NOL4L: variants seen among roughly 807,000 people sequenced by gnomAD.
The protein encoded by NOL4L is nucleolar protein 4-like.
NOL4L carries 7 observed loss-of-function variants against 64.5 expected under a neutral mutation model. The observed-to-expected ratio is 0.11, with a 90% CI of 0.06 to 0.20. The LOEUF is 0.20. Ranked by LOEUF, NOL4L falls within the 10% of genes least tolerant of loss-of-function variation. The pLI, the probability that NOL4L is intolerant of heterozygous loss-of-function variation, is 1.00. For synonymous variants in NOL4L, 413 were observed against 401.0 expected (o/e 1.03, Z -0.36); for missense variants, 680 against 967.1 (o/e 0.70, Z 3.94).
chr20:32,472,133 T>C (rs1407927255), intron 5 of NOL4L, among the ~76,000 whole-genome samples: 1 of 152,204 alleles, frequency 6.6e-6, no homozygotes, highest in South Asian at 2.1e-4. Context: ...ACAACCCAAC[T>C]TATCCCCCAT....
At position 32,447,560 on chromosome 20, in the gene NOL4L, C is replaced by A; in HGVS notation, c.*36G>T. Reference sequence around the variant, plus strand: ...GCCAGGTCCAGGCTGGGACAGCCTCCTTCCCTAGGGCAGTGCGCTCCAGGT... The same window carrying A: ...GCCAGGTCCAGGCTGGGACAGCCTCATTCCCTAGGGCAGTGCGCTCCAGGT... On this transcript the variant is annotated 3_prime_UTR_variant, in exon 11 of 11. Transcript: ENST00000621426. The A allele has an allele frequency of 1.9e-6, 3 of 1,551,926 alleles. No homozygotes were observed. In the South Asian group the frequency reaches 3.6e-5, roughly 19 times the overall value.
At chr20:32,520,550 G>A (rs187141388) in intron 3 of NOL4L, among the ~76,000 whole-genome samples, 73 of 152,314 alleles carry the variant, frequency 4.8e-4, no homozygotes, top group South Asian at 1.2e-3. Context: ...GGGGCTGGCC[G>A]GGGCCTTGCA....
intron 4 of NOL4L, among the ~76,000 whole-genome samples, chr20:32,496,998 C>T (rs1207807918): frequency 2.1e-5 from 3 of 142,324 alleles, no homozygotes; most frequent in African/African-American, 5.4e-5. Flanking sequence ...CCAGTCACCC[C>T]GAGCAAAACA....
At chr20:32,530,920 T>C (rs1234792409) in intron 1 of NOL4L, among the ~76,000 whole-genome samples, 1 of 150,692 alleles carries the variant, frequency 6.6e-6, no homozygotes. Context: ...AAACTCCATC[T>C]CAAAAAAAAA....
In NOL4L at chr20:32,567,744, A is replaced by G. The variant is rs560379791; in HGVS notation, c.321+16826T>C. On this transcript the variant is annotated intron_variant, in intron 1 of 10. Coordinates refer to ENST00000621426, the MANE Select transcript of NOL4L (RefSeq NM_001256798.2). The stretch of plus-strand genomic sequence containing the variant: ...TGCTGCAGGAGCCCAATGTGCAAAC[A>G]CACACAGAGCACTTAGAACAGACTG... Among the ~76,000 whole-genome samples the G allele has an allele frequency of 2.0e-5, 3 of 152,308 alleles. No individual in the cohort carries two copies. The South Asian group carries it at 6.2e-4, about 32-fold the overall frequency.
At chr20:32,522,475 GCA>G (rs924861220) in intron 2 of NOL4L, among the ~76,000 whole-genome samples, 7 of 152,328 alleles carry the variant, frequency 4.6e-5, no homozygotes, top group African/African-American at 9.6e-5. Context: ...TTTCTGCCAT[GCA>G]CACAGAGAGC....
At position 32,528,387 on chromosome 20, in the gene NOL4L, G is replaced by A. The variant is rs570361630; in HGVS notation, c.322-474C>T. Among the ~76,000 whole-genome samples the A allele has an allele frequency of 3.9e-5, 6 of 152,320 alleles. No homozygotes were observed. In the East Asian group the frequency reaches 5.8e-4, roughly 15 times the overall value. Reference sequence around the variant, plus strand: ...GATCACCTGGGTGACTCCTGCCTCCGCCCTGGCCTTTCTGAAAAGCTTTTC... The same window carrying A: ...GATCACCTGGGTGACTCCTGCCTCCACCCTGGCCTTTCTGAAAAGCTTTTC... On this transcript the variant is annotated intron_variant, in intron 1 of 10. Coordinates refer to ENST00000621426, the MANE Select transcript of NOL4L (RefSeq NM_001256798.2).
chr20:32,472,011 C>T (rs147754540), intron 5 of NOL4L, among the ~76,000 whole-genome samples: 144 of 152,282 alleles, frequency 9.5e-4, no homozygotes, highest in African/African-American at 3.4e-3. Flanking sequence ...TTTATAGCAA[C>T]ACCAAACGGA....
intron 1 of NOL4L, among the ~76,000 whole-genome samples, chr20:32,534,853 G>A (rs2018463450): frequency 6.7e-6 from 1 of 148,640 alleles, no homozygotes. Flanking sequence ...CTAAACTCCA[G>A]CCTGGGTGAC....
chr20:32,484,247 C>T lies in NOL4L; in HGVS notation c.700-9505G>A, dbSNP rs528520092. On this transcript the variant is annotated intron_variant, in intron 4 of 10. Transcript: ENST00000621426. ...TGCCGGGCCTCGGGGTTCGGCTCCC[C>T]CGGGCGGCCGGAGCGAGACCCCGGG... Among the ~76,000 whole-genome samples the T allele has an allele frequency of 7.0e-4, 106 of 152,184 alleles. 1 individual carries two copies. The highest frequency in any genetic ancestry group is 2.5e-3 in the African/African-American group (103 of 41,554).
chr20:32,548,744 C>T, intron 1 of NOL4L: 1 of 410,828 alleles, frequency 2.4e-6, no homozygotes, highest in South Asian at 1.8e-5. Flanking sequence ...TATAAACTCG[C>T]CCATGCTTGA....
At chr20:32,514,065 G>A (rs539997606) in intron 3 of NOL4L, among the ~76,000 whole-genome samples, 3 of 152,206 alleles carry the variant, frequency 2.0e-5, no homozygotes, top group Non-Finnish European at 2.9e-5. Context: ...CCTCTTTGAC[G>A]CTGTGTACTT....
At chr20:32,494,561 G>T (rs2016612547) in intron 4 of NOL4L, among the ~76,000 whole-genome samples, 1 of 152,202 alleles carries the variant, frequency 6.6e-6, no homozygotes, top group Non-Finnish European at 1.5e-5. Flanking sequence ...TGGTGCCCAG[G>T]CTGTGGCAGA....
chr20:32,447,710 G>T lies in NOL4L; in HGVS notation c.1929C>A (p.Leu643=), dbSNP rs1477348724. Residue 643 remains leucine (L), a synonymous_variant, in exon 11 of 11, where the codon CTC becomes CTA. Transcript: ENST00000621426. ...STSRPVPTAQ[L]SPTEISAVRQ... is the part of the protein sequence containing the mutation. ...GCACGGCGCTGATCTCCGTGGGGCT[G>T]AGCTGAGCGGTGGGCACGGGCCTGC... The T allele has an allele frequency of 1.9e-6, 3 of 1,611,356 alleles. No homozygotes were observed. The Admixed American group carries it at 5.0e-5, about 27-fold the overall frequency.
chr20:32,469,777 G>A (rs1040411100), intron 5 of NOL4L, among the ~76,000 whole-genome samples: 8 of 152,376 alleles, frequency 5.3e-5, no homozygotes, highest in African/African-American at 1.9e-4. Flanking sequence ...CTGACAGCCT[G>A]CAGGGGTCCC....
At chr20:32,536,976 C>A in intron 1 of NOL4L, 3 of 763,442 alleles carry the variant, frequency 3.9e-6, no homozygotes, top group Non-Finnish European at 4.8e-6. Flanking sequence ...GCCCACCCCA[C>A]GCGCACCTGC....
At chr20:32,521,577 C>G (rs929952843) in intron 2 of NOL4L, among the ~76,000 whole-genome samples, 4 of 152,188 alleles carry the variant, frequency 2.6e-5, no homozygotes, top group African/African-American at 9.7e-5. Context: ...CACACCACTC[C>G]ACAGTTGCCT....
intron 4 of NOL4L, among the ~76,000 whole-genome samples, chr20:32,503,737 T>C (rs1487498405): frequency 6.6e-6 from 1 of 152,200 alleles, no homozygotes; most frequent in African/African-American, 2.4e-5. Flanking sequence ...ACAGCAAAGC[T>C]TAACAGCCCT....
chr20:32,456,678 C>A (rs1263422459), intron 5 of NOL4L, among the ~76,000 whole-genome samples: 2 of 152,194 alleles, frequency 1.3e-5, no homozygotes, highest in Admixed American at 1.3e-4. Flanking sequence ...GCGTTATGTC[C>A]AGGCTTAAGG....
Sources: gnomAD v4.1 joint callset for allele counts (sites outside exome capture counted in the v4.1 genomes callset) on GRCh38, gnomAD v4.1.1 for gene constraint, MANE v1.5 for transcripts, NCBI Gene and HGNC (gene_info 2026-07-23, HGNC 2026-07-21) for gene names.